Variants in SENP7 observed in about 807,000 individuals in gnomAD.
SENP7 encodes sentrin-specific protease 7.
In SENP7, 64 loss-of-function variants were observed where a neutral mutation model predicts 141.2. The observed-to-expected ratio is 0.45, with a 90% confidence interval of 0.37 to 0.56. The LOEUF (loss-of-function observed/expected upper bound fraction) is 0.56. Ranked by LOEUF, SENP7 falls within the 20% of genes least tolerant of loss-of-function variation. The probability of loss-of-function intolerance (pLI) is 0.00; values close to 1 mark genes in which losing one functional copy is unlikely to be tolerated. For synonymous variants in SENP7, 382 were observed against 426.4 expected (o/e 0.90, Z 1.28); for missense variants, 1,025 against 1,212.2 (o/e 0.85, Z 2.29).
intron 4 of SENP7, among the ~76,000 whole-genome samples, chr3:101,441,765 T>C (rs1314686170): frequency 6.6e-6 from 1 of 152,184 alleles, no homozygotes; most frequent in Non-Finnish European, 1.5e-5. Context: ...CTACCATGAC[T>C]GGTGCTCATA....
Position 101,436,738 on chromosome 3 carries a change from C to T in SENP7, c.285-18948G>A, listed in dbSNP as rs570879467. On this transcript the variant is annotated intron_variant, in intron 4 of 23. Transcript: ENST00000394095. ...AAAACTACAATGAGATATCATCTCA[C>T]CCCAGTTAAAATGGCTTATAGCCAA... is the stretch of plus-strand genomic sequence containing the variant. 2.6e-5 allele frequency among the ~76,000 whole-genome samples: 4 copies of T among 152,288 alleles called. No homozygotes were observed. In the South Asian group the frequency reaches 8.3e-4, roughly 32 times the overall value.
intron 5 of SENP7, among the ~76,000 whole-genome samples, chr3:101,406,150 C>T (rs1411951269): frequency 6.6e-6 from 1 of 152,134 alleles, no homozygotes; most frequent in Non-Finnish European, 1.5e-5. Context: ...TTTATTGTTG[C>T]ACTATTCACA....
chr3:101,444,709 A>T (rs1388049948), intron 4 of SENP7, among the ~76,000 whole-genome samples: 2 of 129,912 alleles, frequency 1.5e-5, no homozygotes, highest in South Asian at 2.6e-4. Context: ...ACATGGACAC[A>T]GGAAGGGGAA....
intron 6 of SENP7, among the ~76,000 whole-genome samples, chr3:101,387,092 G>C (rs1004759028): frequency 2.0e-5 from 3 of 152,034 alleles, no homozygotes; most frequent in African/African-American, 7.2e-5. Flanking sequence ...ACCATCACCA[G>C]GGCCTGAGTG....
intron 19 of SENP7, among the ~76,000 whole-genome samples, chr3:101,331,523 T>C (rs2059052953): frequency 6.8e-6 from 1 of 147,752 alleles, no homozygotes; most frequent in Non-Finnish European, 1.5e-5. Context: ...ATTTTATCTG[T>C]CAATTTTTTT....
At chr3:101,351,556 T>C (rs1229049289) in intron 12 of SENP7, 62 bp downstream of exon 12, 2 of 1,218,170 alleles carry the variant, frequency 1.6e-6, no homozygotes, top group East Asian at 3.1e-5. Flanking sequence ...AACTTAGTTT[T>C]ACTTAAATTT....
At chr3:101,423,802 G>T (rs1203308220) in intron 4 of SENP7, among the ~76,000 whole-genome samples, 1 of 152,142 alleles carries the variant, frequency 6.6e-6, no homozygotes, top group Non-Finnish European at 1.5e-5. Flanking sequence ...GGGGCAATGG[G>T]TGAGTTGAAC....
chr3:101,509,430 G>A (rs2065759792), intron 1 of SENP7, among the ~76,000 whole-genome samples: 2 of 152,066 alleles, frequency 1.3e-5, no homozygotes, highest in South Asian at 4.1e-4. Context: ...TCTCTGAAAG[G>A]CTAACATTTT....
chr3:101,328,492 A>T lies in SENP7; in HGVS notation c.2850T>A (p.Val950=), dbSNP rs1050710353. 4 of 1,611,950 alleles carry T rather than the reference A, an allele frequency of 2.5e-6. No individual in the cohort carries two copies. The highest frequency in any genetic ancestry group is 2.5e-6 in the Non-Finnish European group (3 of 1,178,634). Residue 950 remains valine, a synonymous_variant, in exon 22 of 24, where the codon GTT becomes GTA. Transcript: ENST00000394095. ...TCATTACTTACTCTCGTAAATTCTG[A>T]ACTGTGTTTTGTACAGAAGCAGCTT... ...SLKAASVQNT[V]QNLREYLEVE...
intron 5 of SENP7, among the ~76,000 whole-genome samples, chr3:101,400,245 G>A (rs2061095920): frequency 6.6e-6 from 1 of 152,130 alleles, no homozygotes; most frequent in Non-Finnish European, 1.5e-5. Flanking sequence ...CCAGTTGACT[G>A]TTATCAATAT....
intron 12 of SENP7, among the ~76,000 whole-genome samples, chr3:101,349,186 G>C (rs999620922): frequency 6.6e-6 from 1 of 152,106 alleles, no homozygotes; most frequent in African/African-American, 2.4e-5. Context: ...TCCCAAGCCA[G>C]TCATTCTATT....
chr3:101,463,390 T>TACAC (rs1559865369), intron 3 of SENP7, among the ~76,000 whole-genome samples: 20 of 93,398 alleles, frequency 2.1e-4, no homozygotes, highest in African/African-American at 9.4e-4. Context: ...TATATATATA[T>TACAC]ATATATACAT....
chr3:101,451,135 C>G (rs1206300470), intron 4 of SENP7, among the ~76,000 whole-genome samples: 1 of 152,098 alleles, frequency 6.6e-6, no homozygotes, highest in Non-Finnish European at 1.5e-5. Flanking sequence ...ATAAATTCCT[C>G]AACACATACA....
chr3:101,457,793 G>A lies in SENP7; in HGVS notation c.284+1162C>T. 2 of 613,812 alleles carry A rather than the reference G, an allele frequency of 3.3e-6. 1 individual carries two copies. The highest frequency in any genetic ancestry group is 3.9e-5 in the South Asian group (2 of 50,692). 38.0% of individuals were successfully genotyped at this position (613,812 alleles called of 1,614,324 possible). A position where few individuals can be genotyped will look rare whatever the true frequency, so the allele number is the denominator to read the frequency against. ...GTTGGTGCTAAGAGGGTCCTGGGTG[G>A]ACCAGCTGAGATTAGGCGCACACAT... On this transcript the variant is annotated intron_variant, in intron 4 of 23. Coordinates refer to ENST00000394095, the MANE Select transcript of SENP7 (RefSeq NM_020654.5).
At chr3:101,485,253 C>G (rs540681348) in intron 3 of SENP7, among the ~76,000 whole-genome samples, 1 of 152,060 alleles carries the variant, frequency 6.6e-6, no homozygotes, top group Non-Finnish European at 1.5e-5. Flanking sequence ...TCTATCCTAC[C>G]ATAGCTGATG....
intron 4 of SENP7, among the ~76,000 whole-genome samples, chr3:101,427,364 C>A (rs1352535535): frequency 6.6e-6 from 1 of 151,838 alleles, no homozygotes; most frequent in African/African-American, 2.4e-5. Flanking sequence ...GTGGTGCACA[C>A]CTTTAGTCTC....
At chr3:101,350,015 G>C (rs553458138) in intron 12 of SENP7, among the ~76,000 whole-genome samples, 23 of 152,110 alleles carry the variant, frequency 1.5e-4, no homozygotes, top group Admixed American at 6.6e-4. Context: ...ATCCAAGAAG[G>C]CTCCTTAAAA....
chr3:101,439,480 G>C (rs1330653061), intron 4 of SENP7, among the ~76,000 whole-genome samples: 1 of 21,472 alleles, frequency 4.7e-5, no homozygotes, highest in East Asian at 2.3e-3. Flanking sequence ...GGCCAGCCGT[G>C]CCATCCGGGA....
intron 15 of SENP7, 87 bp downstream of exon 15, chr3:101,341,559 T>C: frequency 8.3e-7 from 1 of 1,203,278 alleles, no homozygotes; most frequent in Non-Finnish European, 1.1e-6. Flanking sequence ...TTAAAACATT[T>C]CAAAAGTTAA....
Sources: gnomAD v4.1 joint callset for allele counts (sites outside exome capture counted in the v4.1 genomes callset) on GRCh38, gnomAD v4.1.1 for gene constraint, MANE v1.5 for transcripts, NCBI Gene and HGNC (gene_info 2026-07-23, HGNC 2026-07-21) for gene names.